The following HTR3B variants were observed in gnomAD, a reference collection of about 807,000 sequenced individuals.
HTR3B encodes the protein 5-hydroxytryptamine (serotonin) receptor 3B, ionotropic.
In HTR3B, 44 loss-of-function variants were observed where a neutral mutation model predicts 42.8. The observed-to-expected ratio is 1.03, with a 90% CI of 0.81 to 1.32. The LOEUF (loss-of-function observed/expected upper bound fraction) is 1.32. Ranked by LOEUF, HTR3B falls within the 40% of genes most tolerant of loss-of-function variation. The pLI, the probability that HTR3B is intolerant of heterozygous loss-of-function variation, is 0.00. For synonymous variants in HTR3B, 203 were observed against 209.0 expected (o/e 0.97, Z 0.25); for missense variants, 527 against 536.5 (o/e 0.98, Z 0.17).
At chr11:113,918,437 C>T (rs1010594976) in intron 2 of HTR3B, among the ~76,000 whole-genome samples, 4 of 152,196 alleles carry the variant, frequency 2.6e-5, no homozygotes, top group South Asian at 2.1e-4. Context: ...CTCCTAACCC[C>T]TGGCAACCAC....
At position 113,933,082 on chromosome 11, in the gene HTR3B, A is replaced by G. The variant is rs760766759; in HGVS notation, c.685A>G (p.Ile229Val). ...LQSSAGGFAQ[I>V]QFNVVMRRHP... ...GAGCAGCGCTGGAGGATTTGCACAG[A>G]TTCAGTTTAATGTAGGTTCTTTACT... The change falls in exon 6 of 9, where the codon ATT (isoleucine) becomes GTT (valine). Residue 229 changes from isoleucine (I) to valine (V), a missense_variant. Ile to Val is a conservative substitution (Grantham distance 29). Coordinates refer to ENST00000260191, the MANE Select transcript of HTR3B (RefSeq NM_006028.5). 4.3e-6 allele frequency: 7 copies of G among 1,613,522 alleles called. No individual in the cohort carries two copies. The highest frequency in any genetic ancestry group is 1.3e-5 in the African/African-American group (1 of 74,884).
At chr11:113,931,624 G>C in intron 3 of HTR3B, 134 bp from the exon 4 acceptor site, 1 of 677,104 alleles carries the variant, frequency 1.5e-6, no homozygotes, top group South Asian at 1.9e-5. Context: ...GATTCAGATG[G>C]GAAGTCCTTT....
chr11:113,943,039 T>C lies in HTR3B; in HGVS notation c.754T>C (p.Phe252Leu). The C allele has an allele frequency of 6.2e-7, 1 of 1,614,090 alleles. No individual in the cohort carries two copies. The highest frequency in any genetic ancestry group is 1.1e-5 in the South Asian group (1 of 91,070). The part of the protein sequence containing the change: ...YVVSLLIPSI[F>L]LMLVDLGSFY... ...CGTGAGTCTGCTGATTCCTAGCATC[T>C]TTCTCATGCTGGTGGACCTGGGGAG... is the stretch of plus-strand genomic sequence containing the variant. Residue 252 changes from phenylalanine (F) to leucine (L), a missense_variant, in exon 7 of 9, where the codon TTT becomes CTT. By Grantham distance (22) the Phe-to-Leu change is conservative. Transcript: ENST00000260191.
At chr11:113,922,230 T>A (rs1057123064) in intron 2 of HTR3B, among the ~76,000 whole-genome samples, 2 of 151,850 alleles carry the variant, frequency 1.3e-5, no homozygotes, top group African/African-American at 4.9e-5. Flanking sequence ...TCTTTCTTTT[T>A]TGTTTTTATT....
chr11:113,949,068 T>C lies in HTR3B; in HGVS notation c.*2931T>C, dbSNP rs1353178534. ...ATCACAAAATAAAGATAAGACCTGC[T>C]TGCTATCAACAGATGGACTCCAGTC... On this transcript the variant is annotated 3_prime_UTR_variant, in exon 9 of 9. Transcript: ENST00000260191. 2.0e-5 allele frequency among the ~76,000 whole-genome samples: 3 copies of C among 152,214 alleles called. No homozygotes were observed. Among genetic ancestry groups the C allele is most frequent in the African/African-American group, 7.2e-5 (3 of 41,450 alleles).
chr11:113,904,970 AT>A lies in HTR3B; in HGVS notation c.38del (p.Ile13ThrfsTer8). ...SSVMAPLWACILVAAGILATD... is the reference protein window; with the variant it reads ...SSVMAPLWACXLVAAGILATD... ...TGTAATGGCTCCCCTGTGGGCCTGC[AT>A]CCTGGTGGCTGCAGGTGAGTCCTTT... On this transcript the variant is annotated frameshift_variant, in exon 1 of 9. Transcript: ENST00000260191. LOFTEE classifies it high-confidence loss of function. 1 of 1,613,190 alleles carries A rather than the reference AT, an allele frequency of 6.2e-7. No individual in the cohort carries two copies. The highest frequency in any genetic ancestry group is 8.5e-7 in the Non-Finnish European group (1 of 1,179,206).
intron 5 of HTR3B, among the ~76,000 whole-genome samples, 190 bp downstream of exon 5, chr11:113,932,648 T>C (rs1420758781): frequency 1.4e-5 from 1 of 72,094 alleles, no homozygotes; most frequent in Non-Finnish European, 2.4e-5. Context: ...ATAGTTGTTT[T>C]GGAAACAGTG....
chr11:113,933,805 T>C (rs938784335), intron 6 of HTR3B, among the ~76,000 whole-genome samples: 1 of 152,162 alleles, frequency 6.6e-6, no homozygotes, highest in Non-Finnish European at 1.5e-5. Flanking sequence ...TGGGAAACTG[T>C]TTTGACACAT....
At chr11:113,903,512 C>T (rs1460866144), upstream of HTR3B, among the ~76,000 whole-genome samples, 6 of 150,128 alleles carry the variant, frequency 4.0e-5, no homozygotes, top group African/African-American at 1.2e-4. Context: ...TCATGGCAAC[C>T]TCCACCTCCT....
At chr11:113,912,548 A>G (rs943059825) in intron 2 of HTR3B, among the ~76,000 whole-genome samples, 2 of 152,136 alleles carry the variant, frequency 1.3e-5, no homozygotes, top group Admixed American at 1.3e-4. Context: ...CGGCGTTTCC[A>G]TTTCTTTTAA....
Position 113,946,150 on chromosome 11 carries a change from T to C in HTR3B, c.*13T>C, listed in dbSNP as rs138752422. ...GGGCGGCGTGTGAAGACTGAAGTGT[T>C]CTTCAGTAATTGTGCTGGCACTTAG... On this transcript the variant is annotated 3_prime_UTR_variant, in exon 9 of 9. Coordinates refer to ENST00000260191, the MANE Select transcript of HTR3B (RefSeq NM_006028.5). 619 of 1,567,536 alleles carry C rather than the reference T, an allele frequency of 3.9e-4. 1 individual carries two copies. In the African/African-American group the frequency reaches 6.7e-3, roughly 17 times the overall value.
Position 113,946,091 on chromosome 11 carries a change from A to T in HTR3B, c.1280A>T (p.Tyr427Phe). 1 of 1,614,060 alleles carries T rather than the reference A, an allele frequency of 6.2e-7. No homozygotes were observed. Among genetic ancestry groups the T allele is most frequent in the Non-Finnish European group, 8.5e-7 (1 of 1,180,000 alleles). Residue 427 changes from tyrosine (Y) to phenylalanine (F), a missense_variant, in exon 9 of 9, where the codon TAC becomes TTC. Tyr to Phe is a conservative substitution (Grantham distance 22). Transcript: ENST00000260191. ...FQSYLFMLGIYTITLCSLWAL... is the reference protein window; with the variant it reads ...FQSYLFMLGIFTITLCSLWAL... ...AGCTACCTTTTCATGCTGGGGATCT[A>T]CACCATCACTCTGTGCTCCCTCTGG...
At chr11:113,932,767 C>T (rs930294137) in intron 5 of HTR3B, among the ~76,000 whole-genome samples, 169 bp from the exon 6 acceptor site, 2 of 152,080 alleles carry the variant, frequency 1.3e-5, no homozygotes, top group African/African-American at 4.8e-5. Flanking sequence ...TTTTTTATGA[C>T]TAGAAAGATT....
At chr11:113,931,286 A>T in intron 2 of HTR3B, 98 bp from the exon 3 acceptor site, 1 of 836,898 alleles carries the variant, frequency 1.2e-6, no homozygotes, top group South Asian at 1.5e-5. Flanking sequence ...TTATTTGGTT[A>T]GATTTGATTT....
chr11:113,901,634 T>G (rs1483688212), upstream of HTR3B, among the ~76,000 whole-genome samples: 1 of 152,186 alleles, frequency 6.6e-6, no homozygotes, highest in Non-Finnish European at 1.5e-5. Flanking sequence ...CTTGACAGAA[T>G]TCATCAGCCA....
rs1176744 is a variant in HTR3B at position 113,932,306 on chromosome 11, A to C, written c.386A>C (p.Tyr129Ser). 0.33 allele frequency: 525,536 copies of C among 1,609,780 alleles called. 87,633 individuals are homozygous for C. The highest frequency in any genetic ancestry group is 0.44 in the African/African-American group (32,759 of 74,806). The part of the protein sequence containing the change: ...IINEFVDIER[Y>S]PDLPYVYVNS... ...TCATATAGTGTGGACATTGAAAGAT[A>C]CCCTGACCTTCCCTATGTTTATGTG... The change falls in exon 5 of 9, where the codon TAC (tyrosine) becomes TCC (serine). Residue 129 changes from tyrosine to serine, a missense_variant. By Grantham distance (144) the Tyr-to-Ser change is moderately radical. Coordinates refer to ENST00000260191, the MANE Select transcript of HTR3B (RefSeq NM_006028.5).
rs201819098 is a variant in HTR3B, at chr11:113,931,358, G to A, written c.214-26G>A. The A allele has an allele frequency of 2.4e-5, 38 of 1,569,488 alleles. No individual in the cohort carries two copies. In the East Asian group the frequency reaches 7.9e-4, roughly 33 times the overall value. On this transcript the variant is annotated intron_variant, in intron 2 of 8. Transcript: ENST00000260191. ...TGATTTATTGACATTCTAAGATTTG[G>A]AGTGGATTTTCTTTTTGCCTTGCAG... is the stretch of plus-strand genomic sequence containing the variant.
intron 6 of HTR3B, among the ~76,000 whole-genome samples, chr11:113,935,916 G>C (rs968355423): frequency 6.6e-6 from 1 of 152,180 alleles, no homozygotes; most frequent in East Asian, 1.9e-4. Flanking sequence ...TAAATCAAGT[G>C]CTCCGGATGC....
At chr11:113,930,450 G>GA (rs1950022173) in intron 2 of HTR3B, among the ~76,000 whole-genome samples, 1 of 147,736 alleles carries the variant, frequency 6.8e-6, no homozygotes, top group Non-Finnish European at 1.5e-5. Context: ...GATTAGATAT[G>GA]AAAAAAATTG....
Sources: gnomAD v4.1 joint callset for allele counts (sites outside exome capture counted in the v4.1 genomes callset) on GRCh38, gnomAD v4.1.1 for gene constraint, MANE v1.5 for transcripts, NCBI Gene and HGNC (gene_info 2026-07-23, HGNC 2026-07-21) for gene names.